RBFOX1: variants seen among roughly 807,000 people sequenced by gnomAD.
RBFOX1 encodes the protein RNA binding protein fox-1 homolog 1.
In RBFOX1, 8 loss-of-function variants were observed where a neutral mutation model predicts 57.7. The ratio of observed to expected loss-of-function variants is 0.14; its 90% CI spans 0.08 to 0.25. The LOEUF (loss-of-function observed/expected upper bound fraction) is 0.25, where lower values mean the gene tolerates loss of function less well. RBFOX1 is among the 10% of genes least tolerant of loss of function. The pLI is 1.00. For missense variants in RBFOX1, 611 were observed against 548.5 expected (o/e 1.11, Z -1.14); for synonymous variants, 326 against 222.4 (o/e 1.47, Z -4.15).
chr16:7,492,498 T>G (rs1418939150), intron 4 of RBFOX1, among the ~76,000 whole-genome samples: 18 of 152,180 alleles, frequency 1.2e-4, no homozygotes, highest in Admixed American at 1.2e-3. Flanking sequence ...CTGTCTCATA[T>G]GACAGCCACT....
intron 2 of RBFOX1, among the ~76,000 whole-genome samples, chr16:6,412,496 C>G (rs955559959): frequency 1.3e-5 from 2 of 152,180 alleles, no homozygotes; most frequent in Non-Finnish European, 2.9e-5. Flanking sequence ...TAAAAGTTAT[C>G]TTTCCACTGC....
chr16:6,017,797 G>A (rs1360861194), upstream of RBFOX1, among the ~76,000 whole-genome samples: 4 of 152,182 alleles, frequency 2.6e-5, no homozygotes, highest in African/African-American at 9.7e-5. Flanking sequence ...GCTCCTTGAT[G>A]GGCGCTAGGA....
intron 4 of RBFOX1, among the ~76,000 whole-genome samples, chr16:7,341,097 G>A (rs2096881962): frequency 6.6e-6 from 1 of 152,070 alleles, no homozygotes. Context: ...GGTGATTTAT[G>A]ATGGAGATAC....
At position 6,450,837 on chromosome 16, in the gene RBFOX1, GTGTATATA is replaced by G. The variant is rs1325303037; in HGVS notation, c.-64+133782_-64+133789del. The stretch of plus-strand genomic sequence containing the variant: ...TATATACATATATATATATATATAT[GTGTATATA>G]TATATATATATATATATATATATAT... On this transcript the variant is annotated intron_variant, in intron 2 of 15. Transcript: ENST00000550418. Among the ~76,000 whole-genome samples the G allele has an allele frequency of 2.5e-3, 55 of 21,744 alleles. 5 individuals are homozygous for G. The highest frequency in any genetic ancestry group is 7.0e-3 in the Admixed American group (10 of 1,422). The allele number at this position is 21,744 out of a possible 152,430, so 14.3% of individuals were successfully genotyped here.
At chr16:7,188,545 A>G (rs78638906) in intron 4 of RBFOX1, among the ~76,000 whole-genome samples, 4 of 152,132 alleles carry the variant, frequency 2.6e-5, no homozygotes, top group South Asian at 2.1e-4. Context: ...TTTTCTCCCC[A>G]TCACCCACCT....
At chr16:5,815,560 C>G (rs1157491993) in intron 3 of RBFOX1, among the ~76,000 whole-genome samples, 1 of 152,302 alleles carries the variant, frequency 6.6e-6, no homozygotes, top group East Asian at 1.9e-4. Context: ...CCATCTCCTT[C>G]TCTCCAGAGG....
At position 5,767,330 on chromosome 16, in the gene RBFOX1, C is replaced by G. The variant is rs774400861; in HGVS notation, c.319-99973C>G. On this transcript the variant is annotated intron_variant, in intron 3 of 19. Coordinates refer to the RBFOX1 transcript ENST00000641259. The stretch of plus-strand genomic sequence containing the variant: ...GAAGGAAACGTTTCTCTTGGTCCAT[C>G]TAGGTCAAGATGGGATGCTGCCCAG... 2.0e-5 allele frequency among the ~76,000 whole-genome samples: 3 copies of G among 152,362 alleles called. No homozygotes were observed. In the South Asian group the frequency reaches 6.2e-4, roughly 32 times the overall value.
chr16:7,526,633 C>T lies in RBFOX1; in HGVS notation c.270+8244C>T, dbSNP rs563358109. Reference sequence around the variant, plus strand: ...GTTTGGCAAAATAATTGAAGGTTGCCGTCTAAAAATAGGGTGAATAGTTAC... The same window carrying T: ...GTTTGGCAAAATAATTGAAGGTTGCTGTCTAAAAATAGGGTGAATAGTTAC... On this transcript the variant is annotated intron_variant, in intron 5 of 15. Coordinates refer to ENST00000550418, the MANE Select transcript of RBFOX1 (RefSeq NM_018723.4). 5.3e-5 allele frequency among the ~76,000 whole-genome samples: 8 copies of T among 152,178 alleles called. No homozygotes were observed. The East Asian group carries it at 1.4e-3, about 26-fold the overall frequency.
At chr16:6,429,901 G>C (rs887224318) in intron 2 of RBFOX1, among the ~76,000 whole-genome samples, 1 of 152,068 alleles carries the variant, frequency 6.6e-6, no homozygotes, top group Non-Finnish European at 1.5e-5. Flanking sequence ...CTGAGGTCAG[G>C]AGTTCAAGTC....
intron 2 of RBFOX1, among the ~76,000 whole-genome samples, chr16:6,594,929 C>T (rs2097762127): frequency 6.6e-6 from 1 of 152,116 alleles, no homozygotes; most frequent in Non-Finnish European, 1.5e-5. Flanking sequence ...GCTGGGACTA[C>T]AGGTGCGTGC....
chr16:5,266,413 A>T (rs1469718330), intron 1 of RBFOX1, among the ~76,000 whole-genome samples: 1 of 152,162 alleles, frequency 6.6e-6, no homozygotes, highest in Non-Finnish European at 1.5e-5. Flanking sequence ...CTCATAAAGG[A>T]CAATGTCAGG....
intron 2 of RBFOX1, among the ~76,000 whole-genome samples, chr16:5,480,255 A>T (rs1229189613): frequency 2.6e-5 from 4 of 152,168 alleles, no homozygotes; most frequent in Admixed American, 2.6e-4. Flanking sequence ...CAGGGGTCAA[A>T]GCCATTGGGG....
At chr16:5,893,352 A>G (rs911880585) in intron 4 of RBFOX1, among the ~76,000 whole-genome samples, 8 of 152,234 alleles carry the variant, frequency 5.3e-5, no homozygotes, top group Non-Finnish European at 1.0e-4. Flanking sequence ...TAGTATTGCT[A>G]GCATAACAGG....
chr16:5,690,076 G>C (rs2050626873), intron 3 of RBFOX1, among the ~76,000 whole-genome samples: 1 of 152,232 alleles, frequency 6.6e-6, no homozygotes, highest in African/African-American at 2.4e-5. Flanking sequence ...TGGTCAGGGA[G>C]AGAGGAGTAC....
intron 3 of RBFOX1, among the ~76,000 whole-genome samples, chr16:5,748,973 C>G (rs1485742480): frequency 6.6e-6 from 1 of 152,144 alleles, no homozygotes. Context: ...CCTTGATGGT[C>G]TTTACAATTT....
intron 10 of RBFOX1, among the ~76,000 whole-genome samples, chr16:7,616,290 C>G (rs187478513): frequency 6.6e-6 from 1 of 152,202 alleles, no homozygotes. Context: ...GTCCTCTCAC[C>G]GTGCAGTCAC....
intron 1 of RBFOX1, among the ~76,000 whole-genome samples, chr16:6,142,133 C>T (rs1048349613): frequency 8.5e-6 from 1 of 118,292 alleles, no homozygotes; most frequent in Non-Finnish European, 1.6e-5. Flanking sequence ...ATTAATTTCT[C>T]TAAAAAATCA....
intron 7 of RBFOX1, among the ~76,000 whole-genome samples, chr16:7,589,846 C>A (rs1176112984): frequency 6.6e-6 from 1 of 151,070 alleles, no homozygotes; most frequent in Non-Finnish European, 1.5e-5. Flanking sequence ...AACTCACCTT[C>A]TTGCCTTTCA....
At chr16:6,611,682 C>T (rs77113107) in intron 2 of RBFOX1, among the ~76,000 whole-genome samples, 2,334 of 152,242 alleles carry the variant, frequency 0.015, 62 homozygotes, top group African/African-American at 0.053. Context: ...AGGATGATTC[C>T]GGCTTACCTT....
Sources: gnomAD v4.1 joint callset for allele counts (sites outside exome capture counted in the v4.1 genomes callset) on GRCh38, gnomAD v4.1.1 for gene constraint, MANE v1.5 for transcripts, NCBI Gene and HGNC (gene_info 2026-07-23, HGNC 2026-07-21) for gene names.